Variants in CSNK1G1 observed in about 807,000 individuals in gnomAD.
The protein encoded by CSNK1G1 is casein kinase 1 gamma 1.
CSNK1G1 carries 22 observed loss-of-function variants against 59.6 expected under a neutral mutation model. That is an observed-to-expected ratio of 0.37 (90% CI 0.26 to 0.53). CSNK1G1 has a LOEUF of 0.53. Among genes scored for constraint, CSNK1G1 ranks in the 20% least tolerant of loss-of-function variants. CSNK1G1 has a pLI of 0.89. For synonymous variants in CSNK1G1, 179 were observed against 177.1 expected, an observed-to-expected ratio of 1.01 and a Z score of -0.08; for missense variants, 384 against 519.5, an observed-to-expected ratio of 0.74 and a Z score of 2.54.
intron 4 of CSNK1G1, among the ~76,000 whole-genome samples, chr15:64,249,299 A>G (rs1008989965): frequency 1.3e-5 from 2 of 152,216 alleles, no homozygotes; most frequent in Admixed American, 6.5e-5. Flanking sequence ...TAATTCTTAC[A>G]CTAGCGGGTA....
At position 64,165,683 on chromosome 15, in the gene CSNK1G1, G is replaced by T. The variant is rs1044138888; in HGVS notation, c.*6248C>A. 4 of 205,684 alleles carry T rather than the reference G, an allele frequency of 1.9e-5. No homozygotes were observed. The highest frequency in any genetic ancestry group is 3.9e-5 in the Non-Finnish European group (4 of 103,654). The allele number at this position is 205,684 out of a possible 1,614,324, so 12.7% of individuals were successfully genotyped here. On this transcript the variant is annotated 3_prime_UTR_variant, in exon 12 of 12. Coordinates refer to ENST00000303052, the MANE Select transcript of CSNK1G1 (RefSeq NM_022048.5). ...CTAGATTGTTAATTACAAATGAGCC[G>T]AGGGAGATTAAAAACAGACAAACCA...
intron 4 of CSNK1G1, among the ~76,000 whole-genome samples, chr15:64,219,598 A>G (rs992675852): frequency 6.6e-6 from 1 of 152,012 alleles, no homozygotes; most frequent in African/African-American, 2.4e-5. Flanking sequence ...AGCTGGGAGC[A>G]CAGGCACATG....
At chr15:64,268,518 T>C (rs560448701) in intron 2 of CSNK1G1, among the ~76,000 whole-genome samples, 146 of 152,330 alleles carry the variant, frequency 9.6e-4, no homozygotes, top group African/African-American at 3.4e-3. Context: ...TGTGTAGAGT[T>C]TGCATGTTCT....
chr15:64,257,454 A>T (rs1892442145), intron 3 of CSNK1G1, among the ~76,000 whole-genome samples: 1 of 152,196 alleles, frequency 6.6e-6, no homozygotes, highest in African/African-American at 2.4e-5. Context: ...CAGAAAAAGT[A>T]AAAAAAGCAG....
intron 1 of CSNK1G1, among the ~76,000 whole-genome samples, chr15:64,311,578 A>G (rs925447957): frequency 6.7e-6 from 1 of 150,344 alleles, no homozygotes. Flanking sequence ...ACTTGAGCCC[A>G]CGAATTCGAA....
intron 1 of CSNK1G1, among the ~76,000 whole-genome samples, chr15:64,310,737 C>G (rs1295089846): frequency 6.6e-6 from 1 of 151,674 alleles, no homozygotes; most frequent in Admixed American, 6.6e-5. Flanking sequence ...CCGGGCACAG[C>G]GGCTCACGCC....
chr15:64,265,757 C>T (rs1446180208), intron 2 of CSNK1G1: 2 of 452,862 alleles, frequency 4.4e-6, no homozygotes, highest in African/African-American at 2.0e-5. Context: ...AACTGAAGAA[C>T]ACACACACCA....
chr15:64,296,124 GTTTT>G (rs1895007544), intron 2 of CSNK1G1, among the ~76,000 whole-genome samples: 1 of 151,932 alleles, frequency 6.6e-6, no homozygotes, highest in Non-Finnish European at 1.5e-5. Flanking sequence ...ATACAATCTG[GTTTT>G]TTGTTTGTTT....
chr15:64,280,136 A>T (rs1021879356), intron 2 of CSNK1G1, among the ~76,000 whole-genome samples: 3 of 152,206 alleles, frequency 2.0e-5, no homozygotes, highest in Non-Finnish European at 4.4e-5. Flanking sequence ...ACTGTTAATT[A>T]AAAAGAAGTA....
At chr15:64,341,783 T>C (rs1897693802) in intron 1 of CSNK1G1, among the ~76,000 whole-genome samples, 1 of 152,112 alleles carries the variant, frequency 6.6e-6, no homozygotes, top group East Asian at 1.9e-4. Flanking sequence ...GGAAAAGTGG[T>C]ATTACAGTAA....
chr15:64,245,297 G>A (rs1321875661), intron 4 of CSNK1G1, among the ~76,000 whole-genome samples: 1 of 152,166 alleles, frequency 6.6e-6, no homozygotes, highest in Non-Finnish European at 1.5e-5. Context: ...GGAAACAACT[G>A]AGTGAAGAGA....
chr15:64,297,992 T>C (rs557879577), intron 2 of CSNK1G1, among the ~76,000 whole-genome samples: 40 of 152,258 alleles, frequency 2.6e-4, no homozygotes, highest in African/African-American at 9.1e-4. Flanking sequence ...CCAGGGCTAA[T>C]GAAAACTTGA....
At chr15:64,212,910 G>T (rs2082266217) in intron 6 of CSNK1G1, among the ~76,000 whole-genome samples, 1 of 151,976 alleles carries the variant, frequency 6.6e-6, no homozygotes, top group African/African-American at 2.4e-5. Flanking sequence ...GGAGGCTGAG[G>T]CAGGAGAATT....
chr15:64,268,661 A>G (rs944799301), intron 2 of CSNK1G1, among the ~76,000 whole-genome samples: 3 of 151,768 alleles, frequency 2.0e-5, no homozygotes, highest in African/African-American at 7.3e-5. Flanking sequence ...TATTCTTTTT[A>G]TTTCAATTGT....
rs185891122 is a variant in CSNK1G1 at position 64,173,357 on chromosome 15, A to C, written c.1215-1372T>G. Reference sequence around the variant, plus strand: ...GGCTTTAATCATATCTGAATGAATCAAACATGAAAATTTTAGAAATAGGAC... The same window carrying C: ...GGCTTTAATCATATCTGAATGAATCCAACATGAAAATTTTAGAAATAGGAC... On this transcript the variant is annotated intron_variant, in intron 11 of 11. Coordinates refer to ENST00000303052, the MANE Select transcript of CSNK1G1 (RefSeq NM_022048.5). 4.6e-5 allele frequency among the ~76,000 whole-genome samples: 7 copies of C among 152,350 alleles called. No individual in the cohort carries two copies. The East Asian group carries it at 1.3e-3, about 29-fold the overall frequency.
chr15:64,276,727 C>CAG (rs1893638351), intron 2 of CSNK1G1, among the ~76,000 whole-genome samples: 1 of 151,980 alleles, frequency 6.6e-6, no homozygotes, highest in African/African-American at 2.4e-5. Context: ...AGGTGGATCA[C>CAG]GAGGTCAGGA....
At chr15:64,304,383 C>CAAAAAAAAAAA (rs3057017) in intron 1 of CSNK1G1, among the ~76,000 whole-genome samples, 1 of 70,732 alleles carries the variant, frequency 1.4e-5, no homozygotes, top group African/African-American at 5.2e-5. Context: ...AACTCCACCT[C>CAAAAAAAAAAA]AAAAAAAAAA....
Position 64,251,431 on chromosome 15 carries a change from A to G in CSNK1G1, c.292+81T>C, listed in dbSNP as rs552268327. On this transcript the variant is annotated intron_variant, in intron 4 of 11. Coordinates refer to ENST00000303052, the MANE Select transcript of CSNK1G1 (RefSeq NM_022048.5). ...ATAGATGGTTTGGTAAAAAGGGCAAACCAGACAAAAAAATTTGTATATTTT... is the reference window on the plus strand; with the variant it reads ...ATAGATGGTTTGGTAAAAAGGGCAAGCCAGACAAAAAAATTTGTATATTTT... 217 of 1,031,970 alleles carry G rather than the reference A, an allele frequency of 2.1e-4. 3 individuals are homozygous for G. In the South Asian group the frequency reaches 2.9e-3, roughly 14 times the overall value. The allele number at this position is 1,031,970 out of a possible 1,614,324, so 63.9% of individuals were successfully genotyped here.
At chr15:64,175,789 T>C (rs960422525) in intron 11 of CSNK1G1, among the ~76,000 whole-genome samples, 1 of 152,188 alleles carries the variant, frequency 6.6e-6, no homozygotes, top group African/African-American at 2.4e-5. Context: ...GCCAGCTGAA[T>C]CAAAAAGTCA....
Sources: gnomAD v4.1 joint callset for allele counts (sites outside exome capture counted in the v4.1 genomes callset) on GRCh38, gnomAD v4.1.1 for gene constraint, MANE v1.5 for transcripts, NCBI Gene and HGNC (gene_info 2026-07-23, HGNC 2026-07-21) for gene names.